CPQ: variants seen among roughly 807,000 people sequenced by gnomAD.
CPQ encodes Ser-Met dipeptidase.
In CPQ, 37 loss-of-function variants were observed where a neutral mutation model predicts 45.7. The observed-to-expected ratio is 0.81, with a 90% CI of 0.62 to 1.07. The LOEUF (loss-of-function observed/expected upper bound fraction) is 1.07. Among genes scored for constraint, CPQ ranks in the 50% least tolerant of loss-of-function variants. The pLI is 0.00. For synonymous variants in CPQ, 186 were observed against 205.8 expected (o/e 0.90, Z 0.82); for missense variants, 537 against 572.9 (o/e 0.94, Z 0.64).
At chr8:96,742,858 TG>T (rs1480720672) in intron 1 of CPQ, among the ~76,000 whole-genome samples, 114 of 152,346 alleles carry the variant, frequency 7.5e-4, no homozygotes, top group African/African-American at 2.7e-3. Flanking sequence ...GTTAGTCTGA[TG>T]GGCTTCCCTT....
chr8:97,136,306 T>C (rs1812056796), intron 7 of CPQ, among the ~76,000 whole-genome samples: 1 of 152,156 alleles, frequency 6.6e-6, no homozygotes, highest in South Asian at 2.1e-4. Context: ...AAAGCGATCG[T>C]CACAACTTTG....
chr8:96,707,628 A>G (rs566987011), intron 1 of CPQ, among the ~76,000 whole-genome samples: 2 of 152,206 alleles, frequency 1.3e-5, no homozygotes, highest in East Asian at 1.9e-4. Context: ...AAAAATTACC[A>G]TGGACTTACT....
At chr8:97,004,644 G>T in intron 5 of CPQ, among the ~76,000 whole-genome samples, 1 of 151,974 alleles carries the variant, frequency 6.6e-6, no homozygotes, top group East Asian at 1.9e-4. Context: ...AGAAATAAAT[G>T]AAAATTACTA....
At chr8:96,730,651 T>C (rs1809899311) in intron 1 of CPQ, among the ~76,000 whole-genome samples, 1 of 151,840 alleles carries the variant, frequency 6.6e-6, no homozygotes, top group African/African-American at 2.4e-5. Context: ...TTTAGCATTC[T>C]TAACCTGGAG....
At chr8:96,661,383 T>A (rs1815700379) in intron 1 of CPQ, among the ~76,000 whole-genome samples, 1 of 152,056 alleles carries the variant, frequency 6.6e-6, no homozygotes, top group African/African-American at 2.4e-5. Context: ...CGTTCACTCT[T>A]GGTGGTGTGC....
chr8:96,877,802 G>A (rs932694146), intron 3 of CPQ, among the ~76,000 whole-genome samples: 4 of 152,114 alleles, frequency 2.6e-5, no homozygotes, highest in South Asian at 2.1e-4. Context: ...GCTGGGATCC[G>A]ACCTAGGTTA....
intron 1 of CPQ, among the ~76,000 whole-genome samples, chr8:96,759,574 T>A (rs1386224101): frequency 6.6e-6 from 1 of 152,200 alleles, no homozygotes. Flanking sequence ...CTATGCTGTA[T>A]CTCTCACAGA....
At chr8:96,871,539 T>TG (rs1416625199) in intron 3 of CPQ, among the ~76,000 whole-genome samples, 1 of 150,390 alleles carries the variant, frequency 6.6e-6, no homozygotes, top group African/African-American at 2.4e-5. Context: ...AGGTTTTTTT[T>TG]TTTTTTTTTT....
At chr8:97,088,232 G>T (rs1811072136) in intron 7 of CPQ, among the ~76,000 whole-genome samples, 1 of 152,202 alleles carries the variant, frequency 6.6e-6, no homozygotes, top group South Asian at 2.1e-4. Context: ...CAAATGAGTT[G>T]CCAAGCTGGT....
At chr8:97,023,673 T>C (rs1210790210) in intron 5 of CPQ, among the ~76,000 whole-genome samples, 1 of 152,184 alleles carries the variant, frequency 6.6e-6, no homozygotes, top group African/African-American at 2.4e-5. Flanking sequence ...AAATTATAGC[T>C]GTTAAGACCT....
intron 1 of CPQ, among the ~76,000 whole-genome samples, chr8:96,752,195 A>G (rs1219393291): frequency 1.3e-5 from 2 of 152,186 alleles, no homozygotes; most frequent in African/African-American, 4.8e-5. Flanking sequence ...TGGAAATAGC[A>G]TTGAATCTTT....
intron 4 of CPQ, among the ~76,000 whole-genome samples, chr8:96,915,661 T>G (rs1342439848): frequency 6.6e-6 from 1 of 152,140 alleles, no homozygotes; most frequent in Non-Finnish European, 1.5e-5. Flanking sequence ...AGGATTCCTC[T>G]CTTGAGGGTC....
intron 1 of CPQ, among the ~76,000 whole-genome samples, chr8:96,747,145 G>A (rs1810197079): frequency 6.6e-6 from 1 of 152,070 alleles, no homozygotes; most frequent in Non-Finnish European, 1.5e-5. Context: ...ACAAAAATTA[G>A]CCAGGCATGG....
chr8:97,140,631 TCCC>T (rs1269703842), intron 7 of CPQ, among the ~76,000 whole-genome samples: 1 of 152,036 alleles, frequency 6.6e-6, no homozygotes, highest in Admixed American at 6.5e-5. Flanking sequence ...GATGTTCGGT[TCCC>T]CCCAATTTAA....
intron 3 of CPQ, among the ~76,000 whole-genome samples, chr8:96,865,886 A>G (rs1235725992): frequency 6.6e-6 from 1 of 152,092 alleles, no homozygotes; most frequent in Non-Finnish European, 1.5e-5. Context: ...AGTGTATACT[A>G]AATGCTAGAC....
At position 97,059,002 on chromosome 8, in the gene CPQ, C is replaced by A. The variant is rs142534156; in HGVS notation, c.1054-7007C>A. On this transcript the variant is annotated intron_variant, in intron 6 of 7. Coordinates refer to ENST00000220763, the MANE Select transcript of CPQ (RefSeq NM_016134.4). The stretch of plus-strand genomic sequence containing the variant: ...CTCTTTTTAGCTAATGTTTATGCCA[C>A]ATTTTTAGCCTTCTGGCTCACTGTT... Among the ~76,000 whole-genome samples, 734 of 152,262 alleles carry A rather than the reference C, an allele frequency of 4.8e-3. 6 individuals carry two copies. Among genetic ancestry groups the A allele is most frequent in the Non-Finnish European group, 6.2e-3 (423 of 68,016 alleles).
intron 7 of CPQ, among the ~76,000 whole-genome samples, chr8:97,104,901 T>C (rs1394860988): frequency 6.6e-6 from 1 of 152,196 alleles, no homozygotes; most frequent in Non-Finnish European, 1.5e-5. Context: ...TTTCTGCCGA[T>C]CCACATGTAA....
intron 4 of CPQ, among the ~76,000 whole-genome samples, chr8:96,951,553 T>C (rs1011174625): frequency 1.3e-5 from 2 of 152,124 alleles, no homozygotes; most frequent in Non-Finnish European, 2.9e-5. Flanking sequence ...TTGTATATGA[T>C]TGCTTGAGCT....
chr8:96,959,835 A>G (rs1046494975), intron 4 of CPQ, among the ~76,000 whole-genome samples: 3 of 150,902 alleles, frequency 2.0e-5, no homozygotes, highest in African/African-American at 7.3e-5. Context: ...AAAGACACCA[A>G]GTAAAATTAA....
Sources: gnomAD v4.1 joint callset for allele counts (sites outside exome capture counted in the v4.1 genomes callset) on GRCh38, gnomAD v4.1.1 for gene constraint, MANE v1.5 for transcripts, NCBI Gene and HGNC (gene_info 2026-07-23, HGNC 2026-07-21) for gene names.